PLCB1: variants seen among roughly 807,000 people sequenced by gnomAD.
PLCB1 encodes the protein phospholipase C beta 1.
A neutral mutation model predicts 161.8 loss-of-function variants in PLCB1; 46 were observed. That is an observed-to-expected ratio of 0.28 (90% CI 0.22 to 0.36). The LOEUF (loss-of-function observed/expected upper bound fraction) is 0.36, where lower values mean the gene tolerates loss of function less well. PLCB1 is among the 10% of genes least tolerant of loss of function. The pLI is 1.00. For missense variants in PLCB1, 1,016 were observed against 1,472.5 expected (o/e 0.69, Z 5.07); for synonymous variants, 517 against 503.7 (o/e 1.03, Z -0.35).
intron 5 of PLCB1, among the ~76,000 whole-genome samples, chr20:8,647,430 A>G (rs1472184852): frequency 1.3e-5 from 2 of 152,182 alleles, no homozygotes; most frequent in African/African-American, 2.4e-5. Flanking sequence ...TGTTGCACAC[A>G]TCTAGCTTTG....
At position 8,881,998 on chromosome 20, in the gene PLCB1, A is replaced by C; in HGVS notation, c.*149A>C. On this transcript the variant is annotated 3_prime_UTR_variant, in exon 32 of 32. Transcript: ENST00000338037. ...CAAAGGGAGAGTTCCAGAGGAATCC[A>C]TGAAGAATTCCCATGCCCAGGCTCC... The C allele has an allele frequency of 1.6e-6, 1 of 618,394 alleles. No individual in the cohort carries two copies. Among genetic ancestry groups the C allele is most frequent in the Non-Finnish European group, 2.8e-6 (1 of 351,662 alleles). The allele number at this position is 618,394 out of a possible 1,614,324, so 38.3% of individuals were successfully genotyped here.
chr20:8,433,424 T>C (rs1210280406), intron 3 of PLCB1, among the ~76,000 whole-genome samples: 1 of 148,634 alleles, frequency 6.7e-6, no homozygotes, highest in African/African-American at 2.5e-5. Flanking sequence ...GGAAGCTGCT[T>C]TTGCTCATGC....
intron 3 of PLCB1, among the ~76,000 whole-genome samples, chr20:8,470,511 G>A (rs999277369): frequency 6.6e-6 from 1 of 152,072 alleles, no homozygotes; most frequent in African/African-American, 2.4e-5. Flanking sequence ...TCCTAGTGAT[G>A]CTGAGCTTCT....
intron 2 of PLCB1, among the ~76,000 whole-genome samples, chr20:8,241,789 A>T (rs927858457): frequency 3.9e-5 from 6 of 152,008 alleles, no homozygotes; most frequent in African/African-American, 1.4e-4. Flanking sequence ...GAAATCAGTG[A>T]ACACTGGAGC....
At chr20:8,881,476 A>T (rs940669787) in intron 31 of PLCB1, 146 bp from the exon 32 acceptor site, 20 of 671,180 alleles carry the variant, frequency 3.0e-5, no homozygotes, top group Admixed American at 5.3e-5. Flanking sequence ...ACTTTGTTAC[A>T]TCTCCTCTAT....
chr20:8,555,142 T>G (rs1985909003), intron 3 of PLCB1, among the ~76,000 whole-genome samples: 1 of 152,008 alleles, frequency 6.6e-6, no homozygotes, highest in South Asian at 2.1e-4. Flanking sequence ...GTTTGATAAT[T>G]TTTGCTGGTT....
At chr20:8,846,308 C>CAGCA (rs1484573049) in intron 31 of PLCB1, among the ~76,000 whole-genome samples, 1 of 151,070 alleles carries the variant, frequency 6.6e-6, no homozygotes, top group Non-Finnish European at 1.5e-5. Flanking sequence ...AATCACCTCC[C>CAGCA]AGCAGGCCCC....
At position 8,683,380 on chromosome 20, in the gene PLCB1, A is replaced by C. The variant is rs1261346356; in HGVS notation, c.863-1552A>C. On this transcript the variant is annotated intron_variant, in intron 9 of 31. Transcript: ENST00000338037. Reference sequence around the variant, plus strand: ...AACATATTCCACTTTTATAGTAATAAAAACTGTTTCAACAAGAAAAAAAAA... The same window carrying C: ...AACATATTCCACTTTTATAGTAATACAAACTGTTTCAACAAGAAAAAAAAA... Among the ~76,000 whole-genome samples the C allele has an allele frequency of 1.4e-4, 19 of 134,258 alleles. No homozygotes were observed. The Admixed American group carries it at 1.5e-3, about 11-fold the overall frequency. 88.1% of individuals were successfully genotyped at this position (134,258 alleles called of 152,430 possible).
intron 25 of PLCB1, among the ~76,000 whole-genome samples, chr20:8,763,360 C>T (rs569699337): frequency 9.9e-5 from 15 of 152,146 alleles, no homozygotes; most frequent in Non-Finnish European, 1.9e-4. Flanking sequence ...TGCCACCACA[C>T]CTGGCTAATT....
chr20:8,516,436 A>G (rs1984116461), intron 3 of PLCB1, among the ~76,000 whole-genome samples: 1 of 152,172 alleles, frequency 6.6e-6, no homozygotes, highest in Non-Finnish European at 1.5e-5. Context: ...GGAGCAGAGA[A>G]GTGTCATCTC....
chr20:8,457,942 A>G (rs1392408438), intron 3 of PLCB1, among the ~76,000 whole-genome samples: 2 of 152,200 alleles, frequency 1.3e-5, no homozygotes, highest in Non-Finnish European at 2.9e-5. Context: ...AACAGAGGTG[A>G]TTTATTTAGA....
intron 2 of PLCB1, among the ~76,000 whole-genome samples, chr20:8,164,051 C>T (rs1292482454): frequency 2.0e-5 from 3 of 152,116 alleles, no homozygotes; most frequent in Non-Finnish European, 2.9e-5. Flanking sequence ...TGCTCCAATC[C>T]CAATTCTTCT....
At chr20:8,436,195 G>A (rs1216357837) in intron 3 of PLCB1, among the ~76,000 whole-genome samples, 1 of 152,016 alleles carries the variant, frequency 6.6e-6, no homozygotes, top group African/African-American at 2.4e-5. Context: ...AAGTTAGCCA[G>A]GCATGGTTAA....
chr20:8,464,781 A>G (rs1981740448), intron 3 of PLCB1, among the ~76,000 whole-genome samples: 1 of 152,180 alleles, frequency 6.6e-6, no homozygotes, highest in South Asian at 2.1e-4. Flanking sequence ...CCTGTGAGGC[A>G]GCTGCTGAAT....
chr20:8,389,753 A>C (rs1987535289), intron 3 of PLCB1, among the ~76,000 whole-genome samples: 1 of 152,184 alleles, frequency 6.6e-6, no homozygotes, highest in African/African-American at 2.4e-5. Context: ...GTTTTCAATC[A>C]TGGGTTCTAA....
chr20:8,607,825 G>A (rs1400765624), intron 3 of PLCB1, among the ~76,000 whole-genome samples: 1 of 152,120 alleles, frequency 6.6e-6, no homozygotes, highest in Non-Finnish European at 1.5e-5. Flanking sequence ...AATGGATATA[G>A]TCAGAATGAT....
intron 9 of PLCB1, among the ~76,000 whole-genome samples, chr20:8,661,565 A>C (rs1180280660): frequency 6.6e-6 from 1 of 152,098 alleles, no homozygotes; most frequent in Non-Finnish European, 1.5e-5. Context: ...TGAGGAGTTA[A>C]AAGTCAAATT....
At chr20:8,181,439 A>G (rs953234289) in intron 2 of PLCB1, among the ~76,000 whole-genome samples, 12 of 152,178 alleles carry the variant, frequency 7.9e-5, no homozygotes, top group Non-Finnish European at 1.3e-4. Context: ...AGCAATAACA[A>G]TACACAATTA....
chr20:8,425,136 T>G (rs912592048), intron 3 of PLCB1, among the ~76,000 whole-genome samples: 14 of 151,390 alleles, frequency 9.2e-5, no homozygotes, highest in African/African-American at 3.4e-4. Flanking sequence ...AGGTGTTTTT[T>G]TTTTTTTTTT....
Sources: gnomAD v4.1 joint callset for allele counts (sites outside exome capture counted in the v4.1 genomes callset) on GRCh38, gnomAD v4.1.1 for gene constraint, MANE v1.5 for transcripts, NCBI Gene and HGNC (gene_info 2026-07-23, HGNC 2026-07-21) for gene names.